The following LDB2 variants were observed in gnomAD, a reference collection of about 807,000 sequenced individuals.
The protein encoded by LDB2 is LIM domain-binding protein 2.
In LDB2, 12 loss-of-function variants were observed where a neutral mutation model predicts 44.3. That is an observed-to-expected ratio of 0.27 (90% CI 0.17 to 0.44). LDB2 has a LOEUF of 0.44. LDB2 is among the 20% of genes least tolerant of loss of function. The pLI is 1.00. For synonymous variants in LDB2, 164 were observed against 174.8 expected, an observed-to-expected ratio of 0.94 and a Z score of 0.49; for missense variants, 344 against 473.5, an observed-to-expected ratio of 0.73 and a Z score of 2.54.
chr4:16,826,196 T>A (rs1783041815), intron 1 of LDB2, among the ~76,000 whole-genome samples: 1 of 152,144 alleles, frequency 6.6e-6, no homozygotes. Context: ...ATAGATGAGA[T>A]AGCTATAACA....
intron 5 of LDB2, among the ~76,000 whole-genome samples, chr4:16,517,955 CA>C (rs1422032623): frequency 6.6e-6 from 1 of 152,056 alleles, no homozygotes; most frequent in Non-Finnish European, 1.5e-5. Flanking sequence ...AGATTTATAG[CA>C]AGGAGTCATT....
chr4:16,782,352 CT>C (rs113490072), intron 1 of LDB2, among the ~76,000 whole-genome samples: 3,912 of 143,266 alleles, frequency 0.027, 138 homozygotes, highest in African/African-American at 0.087. Context: ...AAAATAAATA[CT>C]TTTTTTTTTT....
rs2152430973 is a variant in LDB2 at position 16,589,589 on chromosome 4, A to G, written c.409-757T>C. Among the ~76,000 whole-genome samples, 2 of 152,264 alleles carry G rather than the reference A, an allele frequency of 1.3e-5. 1 individual carries two copies. The highest frequency in any genetic ancestry group is 4.1e-4 in the South Asian group (2 of 4,828). ...GCATTTTAATCTTTTTTTGATATTC[A>G]TAGCATTTTTAGCATGTAGTTCCTA... On this transcript the variant is annotated intron_variant, in intron 3 of 7. Coordinates refer to ENST00000304523, the MANE Select transcript of LDB2 (RefSeq NM_001290.5).
intron 1 of LDB2, among the ~76,000 whole-genome samples, chr4:16,845,041 C>T (rs1215927844): frequency 1.3e-5 from 2 of 152,198 alleles, no homozygotes; most frequent in Non-Finnish European, 2.9e-5. Flanking sequence ...CTTTAAGAGT[C>T]AACAGCTTAG....
At chr4:16,826,170 G>T (rs1783028734) in intron 1 of LDB2, among the ~76,000 whole-genome samples, 1 of 152,022 alleles carries the variant, frequency 6.6e-6, no homozygotes, top group Admixed American at 6.5e-5. Flanking sequence ...CATAGATCCA[G>T]AGATAGATAG....
intron 1 of LDB2, among the ~76,000 whole-genome samples, chr4:16,807,288 A>G (rs1054698193): frequency 2.0e-5 from 3 of 152,240 alleles, no homozygotes; most frequent in African/African-American, 2.4e-5. Flanking sequence ...TTATATTCAT[A>G]AGTAGAATAT....
At position 16,806,092 on chromosome 4, in the gene LDB2, G is replaced by A. The variant is rs1778738710; in HGVS notation, c.133-46832C>T. Reference sequence around the variant, plus strand: ...AGGGAAACAGAATTAGCATCTTCATGTGCTTGGATAGGAAACTGAGTAACA... The same window carrying A: ...AGGGAAACAGAATTAGCATCTTCATATGCTTGGATAGGAAACTGAGTAACA... On this transcript the variant is annotated intron_variant, in intron 1 of 7. Transcript: ENST00000304523. Among the ~76,000 whole-genome samples, 4 of 152,198 alleles carry A rather than the reference G, an allele frequency of 2.6e-5. No individual in the cohort carries two copies. In the South Asian group the frequency reaches 8.3e-4, roughly 31 times the overall value.
At chr4:16,766,510 A>ATT (rs33921094) in intron 1 of LDB2, among the ~76,000 whole-genome samples, 4 of 127,072 alleles carry the variant, frequency 3.1e-5, no homozygotes, top group African/African-American at 1.3e-4. Context: ...GTGTGTATAT[A>ATT]TTTTTTTTTT....
chr4:16,755,521 G>GTGTGTGTA (rs1766395514), intron 2 of LDB2, among the ~76,000 whole-genome samples: 1 of 51,150 alleles, frequency 2.0e-5, no homozygotes, highest in Non-Finnish European at 4.9e-5. Flanking sequence ...GTGTGTGTGT[G>GTGTGTGTA]TGTATGTGAG....
intron 5 of LDB2, among the ~76,000 whole-genome samples, chr4:16,516,548 A>G (rs1322063726): frequency 6.6e-6 from 1 of 152,200 alleles, no homozygotes; most frequent in African/African-American, 2.4e-5. Flanking sequence ...AGGAAATCAC[A>G]TTCTTCCAAA....
intron 2 of LDB2, among the ~76,000 whole-genome samples, chr4:16,629,951 T>G (rs1731431484): frequency 1.3e-5 from 2 of 152,044 alleles, no homozygotes; most frequent in Non-Finnish European, 2.9e-5. Flanking sequence ...AAAGACCAAA[T>G]CTACATTTGA....
intron 5 of LDB2, among the ~76,000 whole-genome samples, chr4:16,555,859 C>T (rs1739379302): frequency 6.6e-6 from 1 of 152,212 alleles, no homozygotes; most frequent in South Asian, 2.1e-4. Flanking sequence ...CCACTCCGCC[C>T]TCACTCACCC....
At chr4:16,885,154 T>TG (rs775298970) in intron 1 of LDB2, among the ~76,000 whole-genome samples, 1 of 94,854 alleles carries the variant, frequency 1.1e-5, no homozygotes, top group Non-Finnish European at 2.0e-5. Context: ...ATACCACTTC[T>TG]AAAAAAAAAA....
At chr4:16,733,781 G>A (rs1287904818) in intron 2 of LDB2, among the ~76,000 whole-genome samples, 3 of 152,114 alleles carry the variant, frequency 2.0e-5, no homozygotes, top group African/African-American at 4.8e-5. Flanking sequence ...CTGTCTCAAC[G>A]ACTGTACACA....
At chr4:16,657,542 T>A (rs1740250686) in intron 2 of LDB2, among the ~76,000 whole-genome samples, 1 of 152,180 alleles carries the variant, frequency 6.6e-6, no homozygotes, top group Non-Finnish European at 1.5e-5. Context: ...TCATCAAACT[T>A]GGAAAATACA....
chr4:16,846,855 T>A (rs1478928018), intron 1 of LDB2, among the ~76,000 whole-genome samples: 5 of 152,216 alleles, frequency 3.3e-5, no homozygotes, highest in Admixed American at 3.3e-4. Context: ...ATTTCAACAA[T>A]TTCTGTGGAT....
chr4:16,779,645 G>A (rs1015648970), intron 1 of LDB2, among the ~76,000 whole-genome samples: 6 of 152,304 alleles, frequency 3.9e-5, no homozygotes, highest in Non-Finnish European at 7.3e-5. Flanking sequence ...AGAGACTAAC[G>A]TTTAGGGCTG....
intron 5 of LDB2, among the ~76,000 whole-genome samples, chr4:16,528,776 G>GT (rs1279868889): frequency 1.3e-5 from 2 of 152,202 alleles, no homozygotes; most frequent in Non-Finnish European, 2.9e-5. Context: ...TGAGCCAATC[G>GT]TAAGGGACGT....
intron 1 of LDB2, among the ~76,000 whole-genome samples, chr4:16,860,319 T>G (rs1257604350): frequency 1.3e-5 from 2 of 152,162 alleles, no homozygotes; most frequent in African/African-American, 4.8e-5. Context: ...TTCAGAAACT[T>G]TGATCTTTCA....
Sources: gnomAD v4.1 joint callset for allele counts (sites outside exome capture counted in the v4.1 genomes callset) on GRCh38, gnomAD v4.1.1 for gene constraint, MANE v1.5 for transcripts, NCBI Gene and HGNC (gene_info 2026-07-23, HGNC 2026-07-21) for gene names.